Variants in QTMAN observed in about 807,000 individuals in gnomAD.
The protein encoded by QTMAN is tRNA-queuosine alpha-mannosyltransferase.
the QTMAN span, among the ~76,000 whole-genome samples, chr2:144,327,832 C>T: frequency 0.046 from 7,038 of 152,150 alleles, 538 homozygotes; most frequent in African/African-American, 0.16. Context: ...ATGCTTAAGA[C>T]AAGGTTCCAG....
chr2:144,004,612 A>C, the QTMAN span, among the ~76,000 whole-genome samples: 1 of 152,032 alleles, frequency 6.6e-6, no homozygotes, highest in Non-Finnish European at 1.5e-5. Flanking sequence ...ATGGAACTCT[A>C]ATGGGCTTAG....
chr2:144,082,767 C>T, the QTMAN span, among the ~76,000 whole-genome samples: 1 of 152,116 alleles, frequency 6.6e-6, no homozygotes, highest in Admixed American at 6.5e-5. Flanking sequence ...GTTTCTTGCT[C>T]TCAGTCACGG....
At chr2:143,945,448 C>G in the QTMAN span, 1 of 152,482 alleles carries the variant, frequency 6.6e-6, no homozygotes, top group Admixed American at 6.5e-5. Context: ...GCTTCTTACT[C>G]TTCCTGCTTT....
the QTMAN span, among the ~76,000 whole-genome samples, chr2:143,990,312 G>A: frequency 6.6e-6 from 1 of 152,144 alleles, no homozygotes; most frequent in Non-Finnish European, 1.5e-5. Flanking sequence ...ATATTAATGG[G>A]CAGCCAGGGT....
chr2:144,202,433 G>C, the QTMAN span, among the ~76,000 whole-genome samples: 1 of 152,026 alleles, frequency 6.6e-6, no homozygotes, highest in East Asian at 1.9e-4. Context: ...CTGTCATATG[G>C]AGAACTAACC....
At chr2:144,013,983 C>A in the QTMAN span, among the ~76,000 whole-genome samples, 2 of 152,086 alleles carry the variant, frequency 1.3e-5, no homozygotes, top group Non-Finnish European at 2.9e-5. Context: ...ATATGGCATT[C>A]TCATGCGTAC....
At chr2:144,097,536 T>C in the QTMAN span, among the ~76,000 whole-genome samples, 1 of 152,166 alleles carries the variant, frequency 6.6e-6, no homozygotes, top group Non-Finnish European at 1.5e-5. Context: ...TTTTCAAACC[T>C]ATTCGGAATT....
the QTMAN span, among the ~76,000 whole-genome samples, chr2:144,258,111 A>T: frequency 6.6e-6 from 1 of 152,024 alleles, no homozygotes; most frequent in Non-Finnish European, 1.5e-5. Context: ...AACAGTCAGA[A>T]AAAGAAGGGA....
At chr2:144,035,453 A>C in the QTMAN span, among the ~76,000 whole-genome samples, 1 of 152,252 alleles carries the variant, frequency 6.6e-6, no homozygotes, top group Non-Finnish European at 1.5e-5. Flanking sequence ...CATGCATGAG[A>C]TAGCACTCAT....
chr2:144,125,800 A>G, the QTMAN span, among the ~76,000 whole-genome samples: 1 of 152,130 alleles, frequency 6.6e-6, no homozygotes, highest in East Asian at 1.9e-4. Flanking sequence ...ATTTAAAGAA[A>G]GCAAACTATT....
chr2:144,304,357 A>G, the QTMAN span, among the ~76,000 whole-genome samples: 1 of 152,244 alleles, frequency 6.6e-6, no homozygotes, highest in Non-Finnish European at 1.5e-5. Context: ...CAAAGAACGT[A>G]AACTGCCTGC....
At chr2:143,949,045 T>G in the QTMAN span, among the ~76,000 whole-genome samples, 1 of 152,098 alleles carries the variant, frequency 6.6e-6, no homozygotes, top group Non-Finnish European at 1.5e-5. Context: ...TTAGGTTTTT[T>G]AAAATTATTA....
the QTMAN span, among the ~76,000 whole-genome samples, chr2:144,028,791 A>C: frequency 6.7e-4 from 102 of 152,206 alleles, no homozygotes; most frequent in Non-Finnish European, 8.4e-4. Flanking sequence ...ATGGCAAAGA[A>C]ACTTGTTTGC....
the QTMAN span, among the ~76,000 whole-genome samples, chr2:144,082,049 C>G: frequency 6.6e-6 from 1 of 152,054 alleles, no homozygotes; most frequent in Non-Finnish European, 1.5e-5. Context: ...CACCACACCT[C>G]GCTAATTTTT....
At chr2:144,161,068 G>A in the QTMAN span, among the ~76,000 whole-genome samples, 3 of 152,226 alleles carry the variant, frequency 2.0e-5, no homozygotes, top group African/African-American at 7.2e-5. Context: ...AGTATGGCAC[G>A]AAAGAAAAGG....
chr2:144,135,688 T>G, the QTMAN span, among the ~76,000 whole-genome samples: 11 of 152,204 alleles, frequency 7.2e-5, no homozygotes, highest in Admixed American at 7.2e-4. Context: ...ATAAATCATT[T>G]GTTCTTTACT....
At chr2:144,138,558 T>C in the QTMAN span, among the ~76,000 whole-genome samples, 1 of 152,118 alleles carries the variant, frequency 6.6e-6, no homozygotes, top group African/African-American at 2.4e-5. Flanking sequence ...AGGACAATAG[T>C]CCTTGAGTAT....
At chr2:144,032,467 A>G in the QTMAN span, among the ~76,000 whole-genome samples, 99 of 152,376 alleles carry the variant, frequency 6.5e-4, no homozygotes, top group African/African-American at 2.1e-3. Context: ...AGGATAAAAG[A>G]TTTGCTCAAA....
chr2:144,050,172 A>AC, the QTMAN span, among the ~76,000 whole-genome samples: 4 of 152,216 alleles, frequency 2.6e-5, no homozygotes, highest in African/African-American at 9.6e-5. Flanking sequence ...TGCTGACAAA[A>AC]CAGAACTAAG....
Sources: allele counts gnomAD v4.1 joint callset (sites outside exome capture counted in the v4.1 genomes callset), GRCh38; gene constraint gnomAD v4.1.1; transcripts MANE v1.5; gene names NCBI Gene and HGNC (gene_info 2026-07-23, HGNC 2026-07-21).